The following CTNNBL1 variants were observed in gnomAD, a reference collection of about 807,000 sequenced individuals.
The protein encoded by CTNNBL1 is beta-catenin-like protein 1.
CTNNBL1 carries 31 observed loss-of-function variants against 72.7 expected under a neutral mutation model. The observed-to-expected ratio is 0.43, with a 90% confidence interval of 0.32 to 0.58. The LOEUF is 0.58. Ranked by LOEUF, CTNNBL1 falls within the 20% of genes least tolerant of loss-of-function variation. The probability of loss-of-function intolerance (pLI) is 0.08; values close to 1 mark genes in which losing one functional copy is unlikely to be tolerated. For missense variants in CTNNBL1, 534 were observed against 725.1 expected, an observed-to-expected ratio of 0.74 and a Z score of 3.03; for synonymous variants, 240 against 267.3, an observed-to-expected ratio of 0.90 and a Z score of 1.00.
At chr20:37,738,382 A>G (rs974817668) in intron 3 of CTNNBL1, among the ~76,000 whole-genome samples, 5 of 152,254 alleles carry the variant, frequency 3.3e-5, no homozygotes, top group Admixed American at 6.5e-5. Context: ...ATGATAGTTA[A>G]CGTGAGTTTT....
chr20:37,707,122 C>A (rs2072892256), intron 1 of CTNNBL1, among the ~76,000 whole-genome samples: 1 of 152,218 alleles, frequency 6.6e-6, no homozygotes, highest in Admixed American at 6.5e-5. Flanking sequence ...AGAACACAGG[C>A]AGGGTAGATT....
intron 11 of CTNNBL1, among the ~76,000 whole-genome samples, chr20:37,820,707 G>T (rs1319164997): frequency 1.3e-5 from 2 of 152,116 alleles, no homozygotes; most frequent in Non-Finnish European, 2.9e-5. Context: ...GAAGGTGCTT[G>T]CTTCCCCTTC....
At chr20:37,788,859 C>T (rs1440414872) in intron 10 of CTNNBL1, among the ~76,000 whole-genome samples, 1 of 152,234 alleles carries the variant, frequency 6.6e-6, no homozygotes, top group Non-Finnish European at 1.5e-5. Flanking sequence ...GCCCTTACCT[C>T]ACAGCCCTCT....
At chr20:37,795,053 G>C (rs576744365) in intron 10 of CTNNBL1, among the ~76,000 whole-genome samples, 1 of 150,922 alleles carries the variant, frequency 6.6e-6, no homozygotes, top group South Asian at 2.1e-4. Flanking sequence ...TTTTTTTCAC[G>C]TCTCTGGTGT....
Position 37,840,114 on chromosome 20 carries a change from C to G in CTNNBL1, c.1226C>G (p.Ser409Trp). The G allele has an allele frequency of 6.2e-7, 1 of 1,613,336 alleles. No individual in the cohort carries two copies. Residue 409 changes from serine to tryptophan, a missense_variant, in exon 12 of 16, where the codon TCG (serine) becomes TGG (tryptophan). Ser to Trp is a radical substitution (Grantham distance 177). Transcript: ENST00000361383. ...TTTCCCAACCCAGAGCATGTCTGTT[C>G]GATCCTGGCTTCCCTCCTGCGGAAC... ...TEKEHEEHVC[S>W]ILASLLRNLR...
intron 11 of CTNNBL1, among the ~76,000 whole-genome samples, chr20:37,827,516 C>T (rs1333000007): frequency 1.3e-5 from 2 of 152,194 alleles, no homozygotes; most frequent in Non-Finnish European, 2.9e-5. Flanking sequence ...AGATTTTTCT[C>T]AAAGTATGGA....
chr20:37,824,147 A>G (rs1219354644), intron 11 of CTNNBL1, among the ~76,000 whole-genome samples: 5 of 152,258 alleles, frequency 3.3e-5, no homozygotes, highest in African/African-American at 1.2e-4. Flanking sequence ...GCGCTGACGT[A>G]TAGCTATCTT....
At position 37,860,043 on chromosome 20, in the gene CTNNBL1, G is replaced by C; in HGVS notation, c.1530+7G>C. On this transcript the variant is annotated splice_region_variant and intron_variant, in intron 14 of 15. Coordinates refer to ENST00000361383, the MANE Select transcript of CTNNBL1 (RefSeq NM_030877.5). ...CAATGCCAATGTCCCCCAGGTAGGA[G>C]GGTCTTCCCCTGGATGGGCTTATCC... 1 of 1,614,022 alleles carries C rather than the reference G, an allele frequency of 6.2e-7. No homozygotes were observed. The highest frequency in any genetic ancestry group is 8.5e-7 in the Non-Finnish European group (1 of 1,179,950).
chr20:37,833,345 G>A (rs1400531306), intron 11 of CTNNBL1, among the ~76,000 whole-genome samples: 2 of 152,172 alleles, frequency 1.3e-5, no homozygotes, highest in Non-Finnish European at 2.9e-5. Flanking sequence ...GGGAAGGGTG[G>A]GCCAGAGCCT....
chr20:37,859,239 C>G (rs1204754992), intron 13 of CTNNBL1, among the ~76,000 whole-genome samples: 1 of 151,954 alleles, frequency 6.6e-6, no homozygotes, highest in East Asian at 1.9e-4. Context: ...TGCCTGTAAT[C>G]CCAGCTACTC....
chr20:37,703,098 T>C (rs1481372564), intron 1 of CTNNBL1, among the ~76,000 whole-genome samples: 3 of 152,232 alleles, frequency 2.0e-5, no homozygotes, highest in Non-Finnish European at 4.4e-5. Flanking sequence ...GCTTTTTAAC[T>C]TTTTATTTTG....
intron 4 of CTNNBL1, 43 bp from the exon 5 acceptor site, chr20:37,757,516 G>C: frequency 7.2e-7 from 1 of 1,380,100 alleles, no homozygotes. Context: ...GAAAAATACT[G>C]GTACCGTTTC....
At chr20:37,800,111 G>A (rs1404271219) in intron 10 of CTNNBL1, among the ~76,000 whole-genome samples, 1 of 152,164 alleles carries the variant, frequency 6.6e-6, no homozygotes, top group Non-Finnish European at 1.5e-5. Context: ...TGTCCAAAGG[G>A]GATATTATTT....
At position 37,859,043 on chromosome 20, in the gene CTNNBL1, C is replaced by A. The variant is rs112414953; in HGVS notation, c.1393-856C>A. On this transcript the variant is annotated intron_variant, in intron 13 of 15. Coordinates refer to ENST00000361383, the MANE Select transcript of CTNNBL1 (RefSeq NM_030877.5). ...CCTCAGCTTACGATAACATTGCATC[C>A]TGATAAACCCACCATAAATTGAAAA... Among the ~76,000 whole-genome samples the A allele has an allele frequency of 6.3e-3, 959 of 152,240 alleles. 2 individuals carry two copies. The highest frequency in any genetic ancestry group is 0.014 in the Middle Eastern group (4 of 294).
At chr20:37,741,730 G>A (rs929287350) in intron 3 of CTNNBL1, among the ~76,000 whole-genome samples, 1 of 152,178 alleles carries the variant, frequency 6.6e-6, no homozygotes, top group African/African-American at 2.4e-5. Flanking sequence ...AGCATGGCTG[G>A]GAGTATGACC....
At chr20:37,775,996 G>A (rs759089426) in intron 7 of CTNNBL1, among the ~76,000 whole-genome samples, 4 of 152,086 alleles carry the variant, frequency 2.6e-5, no homozygotes, top group Non-Finnish European at 4.4e-5. Flanking sequence ...AATTTTATTC[G>A]CAAATCCTTG....
chr20:37,718,208 CGGGACGGGGCGGCTGG>C (rs2073005577), intron 1 of CTNNBL1, among the ~76,000 whole-genome samples: 1 of 150,600 alleles, frequency 6.6e-6, no homozygotes, highest in African/African-American at 2.5e-5. Flanking sequence ...CCCTCACCTC[CGGGACGGGGCGGCTGG>C]CCGGGCGGGG....
rs373952411 is a variant in CTNNBL1, at chr20:37,800,935, TTCATCTTATCACTCAGTTC to T, written c.1032-1928_1032-1910del. On this transcript the variant is annotated intron_variant, in intron 10 of 15. Coordinates refer to ENST00000361383, the MANE Select transcript of CTNNBL1 (RefSeq NM_030877.5). ...TTGCCCCTAAAATTTACATGACTGATTCATCTTATCACTCAGTTCTCAACACAATGTTACTCCTTAGGAG... is the reference window on the plus strand; with the variant it reads ...TTGCCCCTAAAATTTACATGACTGATTCAACACAATGTTACTCCTTAGGAG... 3.0e-3 allele frequency among the ~76,000 whole-genome samples: 458 copies of T among 152,336 alleles called. 2 individuals carry two copies. Among genetic ancestry groups the T allele is most frequent in the African/African-American group, 9.9e-3 (410 of 41,584 alleles).
chr20:37,818,638 G>A (rs544039195), intron 11 of CTNNBL1, among the ~76,000 whole-genome samples: 5 of 152,146 alleles, frequency 3.3e-5, no homozygotes, highest in Admixed American at 6.5e-5. Context: ...TCATAATCCC[G>A]AAAGATACAG....
Sources: allele counts gnomAD v4.1 joint callset (sites outside exome capture counted in the v4.1 genomes callset), GRCh38; gene constraint gnomAD v4.1.1; transcripts MANE v1.5; gene names NCBI Gene and HGNC (gene_info 2026-07-23, HGNC 2026-07-21).